The following CCDC148 variants were observed in gnomAD, a reference collection of about 807,000 sequenced individuals.
The protein encoded by CCDC148 is coiled-coil domain containing 148.
In CCDC148, 89 loss-of-function variants were observed where a neutral mutation model predicts 85.7. That is an observed-to-expected ratio of 1.04 (90% CI 0.87 to 1.24). The LOEUF (loss-of-function observed/expected upper bound fraction) is 1.24, where lower values mean the gene tolerates loss of function less well. CCDC148 is among the 50% of genes most tolerant of loss of function. CCDC148 has a pLI of 0.00. For synonymous variants in CCDC148, 230 were observed against 213.9 expected (o/e 1.08, Z -0.66); for missense variants, 692 against 671.7 (o/e 1.03, Z -0.33).
At chr2:158,218,486 C>T (rs1301451309) in intron 11 of CCDC148, among the ~76,000 whole-genome samples, 1 of 152,130 alleles carries the variant, frequency 6.6e-6, no homozygotes, top group Non-Finnish European at 1.5e-5. Flanking sequence ...TCTGAATCAG[C>T]TAATCTTGAT....
chr2:158,236,775 T>C (rs1335182626), intron 10 of CCDC148, among the ~76,000 whole-genome samples: 2 of 152,192 alleles, frequency 1.3e-5, no homozygotes, highest in African/African-American at 4.8e-5. Context: ...GATATACTTT[T>C]CATTCATTTA....
At chr2:158,407,924 T>C (rs1052277157) in intron 1 of CCDC148, among the ~76,000 whole-genome samples, 1 of 152,206 alleles carries the variant, frequency 6.6e-6, no homozygotes, top group East Asian at 1.9e-4. Flanking sequence ...AAGTAACTGA[T>C]AAAATTATCT....
chr2:158,274,589 T>C (rs1689840489), intron 9 of CCDC148, among the ~76,000 whole-genome samples: 1 of 152,208 alleles, frequency 6.6e-6, no homozygotes, highest in Non-Finnish European at 1.5e-5. Flanking sequence ...TCAAGCTGTG[T>C]AAGTCAGCCA....
intron 1 of CCDC148, among the ~76,000 whole-genome samples, chr2:158,377,658 C>T (rs1188983429): frequency 6.6e-6 from 1 of 152,022 alleles, no homozygotes; most frequent in Non-Finnish European, 1.5e-5. Context: ...TGTGGCAACC[C>T]TGTGCCAAGC....
chr2:158,226,218 A>G (rs888664427), intron 10 of CCDC148, among the ~76,000 whole-genome samples: 1 of 152,222 alleles, frequency 6.6e-6, no homozygotes, highest in African/African-American at 2.4e-5. Context: ...AAATGGATAA[A>G]TTCCTCAACA....
At chr2:158,263,495 T>C (rs1355632715) in intron 9 of CCDC148, among the ~76,000 whole-genome samples, 2 of 152,088 alleles carry the variant, frequency 1.3e-5, no homozygotes, top group African/African-American at 2.4e-5. Context: ...TATGCCAATT[T>C]TGTAATCCAT....
chr2:158,278,286 G>A (rs1308154937), intron 9 of CCDC148, among the ~76,000 whole-genome samples: 1 of 152,034 alleles, frequency 6.6e-6, no homozygotes, highest in Non-Finnish European at 1.5e-5. Context: ...AGGTCAGTGG[G>A]TGCAGCTCAC....
intron 12 of CCDC148, 56 bp from the exon 13 acceptor site, chr2:158,176,717 G>C (rs1439850831): frequency 1.9e-6 from 3 of 1,592,110 alleles, no homozygotes; most frequent in Non-Finnish European, 2.6e-6. Context: ...ATATTTCTGG[G>C]CAACATTATT....
chr2:158,189,203 C>G (rs759873350), intron 11 of CCDC148, among the ~76,000 whole-genome samples: 20 of 151,850 alleles, frequency 1.3e-4, no homozygotes, highest in Non-Finnish European at 2.7e-4. Context: ...TGAGAGGAAT[C>G]TGAAGATACC....
intron 11 of CCDC148, among the ~76,000 whole-genome samples, chr2:158,203,012 T>G (rs938027428): frequency 6.6e-6 from 1 of 152,136 alleles, no homozygotes. Context: ...CTCTGAGACC[T>G]CCAAGATTAA....
chr2:158,237,174 C>G (rs1213951324), intron 10 of CCDC148, among the ~76,000 whole-genome samples: 1 of 151,962 alleles, frequency 6.6e-6, no homozygotes, highest in Non-Finnish European at 1.5e-5. Context: ...GGCTGGAGCT[C>G]AACGATGGGA....
chr2:158,289,078 C>T (rs1277523736), intron 9 of CCDC148, among the ~76,000 whole-genome samples: 2 of 152,198 alleles, frequency 1.3e-5, no homozygotes, highest in East Asian at 1.9e-4. Flanking sequence ...GTCCCTCCCA[C>T]AACACGTGGG....
At chr2:158,334,776 T>C (rs947808121) in intron 7 of CCDC148, among the ~76,000 whole-genome samples, 15 of 152,042 alleles carry the variant, frequency 9.9e-5, no homozygotes, top group African/African-American at 3.1e-4. Context: ...CATAGTCACA[T>C]AGAACTTTCT....
chr2:158,234,845 CTG>C (rs983504853), intron 10 of CCDC148, among the ~76,000 whole-genome samples: 6 of 152,256 alleles, frequency 3.9e-5, no homozygotes, highest in Admixed American at 2.0e-4. Flanking sequence ...TGTAAAGACA[CTG>C]TTAATTTTCT....
chr2:158,240,901 C>T (rs1271289870), intron 10 of CCDC148, among the ~76,000 whole-genome samples: 1 of 152,132 alleles, frequency 6.6e-6, no homozygotes, highest in Non-Finnish European at 1.5e-5. Flanking sequence ...TACTCTAAGG[C>T]CTGAACTTTG....
chr2:158,209,861 A>G (rs1021124086), intron 11 of CCDC148, among the ~76,000 whole-genome samples: 23 of 144,240 alleles, frequency 1.6e-4, no homozygotes, highest in African/African-American at 5.7e-4. Flanking sequence ...GCAAAAACAT[A>G]CCAAATTGTA....
chr2:158,385,348 T>C (rs1685043757), intron 1 of CCDC148, among the ~76,000 whole-genome samples: 1 of 152,158 alleles, frequency 6.6e-6, no homozygotes, highest in Admixed American at 6.6e-5. Flanking sequence ...ACAGAACATA[T>C]ATGCTAGAGG....
intron 1 of CCDC148, among the ~76,000 whole-genome samples, chr2:158,403,525 C>A (rs1323407545): frequency 6.6e-6 from 1 of 152,038 alleles, no homozygotes. Flanking sequence ...TTTATATGAA[C>A]TAAACAATAA....
In CCDC148 at chr2:158,339,002, G is replaced by C. The variant is rs778787632; in HGVS notation, c.570C>G (p.Asp190Glu). Reference sequence around the variant, plus strand: ...ACATCACACTTACCTTTATACTCCAGTCTGAAAGATCATTTTCTATTCTCT... The same window carrying C: ...ACATCACACTTACCTTTATACTCCACTCTGAAAGATCATTTTCTATTCTCT... ...EQQRIENDLSDWSIKILDHSL... is the reference protein window; with the variant it reads ...EQQRIENDLSEWSIKILDHSL... Residue 190 changes from aspartate to glutamate, a missense_variant, in exon 6 of 14, where the codon GAC becomes GAG. By Grantham distance (45) the Asp-to-Glu change is conservative. Coordinates refer to ENST00000283233, the MANE Select transcript of CCDC148 (RefSeq NM_138803.4). The C allele has an allele frequency of 3.7e-6, 6 of 1,613,106 alleles. No individual in the cohort carries two copies. Among genetic ancestry groups the C allele is most frequent in the Non-Finnish European group, 4.2e-6 (5 of 1,179,244 alleles).
Sources: gnomAD v4.1 joint callset for allele counts (sites outside exome capture counted in the v4.1 genomes callset) on GRCh38, gnomAD v4.1.1 for gene constraint, MANE v1.5 for transcripts, NCBI Gene and HGNC (gene_info 2026-07-23, HGNC 2026-07-21) for gene names.